AIRE: variants seen among roughly 807,000 people sequenced by gnomAD.
The protein encoded by AIRE is autoimmune regulator, also known as autoimmune polyendocrinopathy candidiasis ectodermal dystrophy protein.
In AIRE, 52 loss-of-function variants were observed where a neutral mutation model predicts 62.1. The observed-to-expected ratio is 0.84, with a 90% CI of 0.67 to 1.06. The LOEUF is 1.06. Among genes scored for constraint, AIRE ranks in the 50% least tolerant of loss-of-function variants. The probability of loss-of-function intolerance (pLI) is 0.00; values close to 1 mark genes in which losing one functional copy is unlikely to be tolerated. For synonymous variants in AIRE, 342 were observed against 321.6 expected (o/e 1.06, Z -0.68); for missense variants, 774 against 755.8 (o/e 1.02, Z -0.28).
chr21:44,292,412 G>GC lies in AIRE; in HGVS notation c.1095+16dup, dbSNP rs1238539669. 1.9e-6 allele frequency: 3 copies of GC among 1,540,648 alleles called. No homozygotes were observed. Among genetic ancestry groups the GC allele is most frequent in the Non-Finnish European group, 2.6e-6 (3 of 1,139,684 alleles). ...CCCGTGGAGACCCCGGTATGGCCAC[G>GC]CCCCCTCCTAGCCGGGCCACCCCTC... is the stretch of plus-strand genomic sequence containing the variant. On this transcript the variant is annotated intron_variant, in intron 9 of 13. Coordinates refer to ENST00000291582, the MANE Select transcript of AIRE (RefSeq NM_000383.4).
chr21:44,289,921 G>A, intron 6 of AIRE, 67 bp from the exon 7 acceptor site: 1 of 1,600,046 alleles, frequency 6.2e-7, no homozygotes, highest in Non-Finnish European at 8.5e-7. Flanking sequence ...GAGACGCCTG[G>A]TGCCACAGCC....
chr21:44,297,805 C>T lies in AIRE; in HGVS notation c.*78C>T. On this transcript the variant is annotated 3_prime_UTR_variant, in exon 14 of 14. Transcript: ENST00000291582. This position sits in a 1 kb window ranked among gnomAD's most constrained non-coding sequence, Gnocchi z 4.8. Reference sequence around the variant, plus strand: ...CTCCTTCCTCAGTCCTGGAAGCCGGCCGGCTGGGATCAAGAAGGGGACAGC... The same window carrying T: ...CTCCTTCCTCAGTCCTGGAAGCCGGTCGGCTGGGATCAAGAAGGGGACAGC... The T allele has an allele frequency of 2.8e-6, 4 of 1,419,126 alleles. No homozygotes were observed. The highest frequency in any genetic ancestry group is 3.9e-6 in the Non-Finnish European group (4 of 1,020,274). 87.9% of individuals were successfully genotyped at this position (1,419,126 alleles called of 1,614,324 possible).
intron 7 of AIRE, chr21:44,290,513 G>A: frequency 1.1e-6 from 1 of 909,898 alleles, no homozygotes. Flanking sequence ...GCTCTGTGGG[G>A]CCCTGGCACT....
At chr21:44,294,267 C>G in intron 11 of AIRE, 134 bp from the exon 12 acceptor site, 2 of 536,098 alleles carry the variant, frequency 3.7e-6, no homozygotes, top group South Asian at 2.0e-5. Flanking sequence ...TCTCCACCCA[C>G]ACCCACACCC....
Position 44,297,667 on chromosome 21 carries a change from T to C in AIRE, c.1578T>C (p.Asp526=), listed in dbSNP as rs1133779. 0.43 allele frequency: 698,738 copies of C among 1,611,030 alleles called. 155,311 individuals are homozygous for C. Among genetic ancestry groups the C allele is most frequent in the East Asian group, 0.66 (29,374 of 44,844 alleles). The change falls in exon 14 of 14, where the codon GAT becomes GAC. Residue 526 remains aspartate, a synonymous_variant. Coordinates refer to ENST00000291582, the MANE Select transcript of AIRE (RefSeq NM_000383.4). The surrounding 1 kb of genome is among the most constrained non-coding windows in gnomAD (Gnocchi z 4.8). Reference sequence around the variant, plus strand: ...ACTCTGTCCCGCAGCACACCTTCGATGGCATCCTGCAGTGGGCCATCCAGA... The same window carrying C: ...ACTCTGTCCCGCAGCACACCTTCGACGGCATCCTGCAGTGGGCCATCCAGA... ...LESLLSEHTF[D]GILQWAIQSM...
chr21:44,295,926 G>A (rs779002429), intron 12 of AIRE, among the ~76,000 whole-genome samples: 1 of 152,102 alleles, frequency 6.6e-6, no homozygotes, highest in Non-Finnish European at 1.5e-5. Context: ...ATTCCACAGG[G>A]TTCAATGTAA....
chr21:44,287,279 G>T lies in AIRE; in HGVS notation c.463+146G>T. On this transcript the variant is annotated intron_variant, in intron 3 of 13. Transcript: ENST00000291582. This position sits in a 1 kb window ranked among gnomAD's most constrained non-coding sequence, Gnocchi z 4.3. ...CTGTGGGGGTCTCCTCTGGGTACTAGACCCACACACTGGACCAGCCTCTCA... is the reference window on the plus strand; with the variant it reads ...CTGTGGGGGTCTCCTCTGGGTACTATACCCACACACTGGACCAGCCTCTCA... 1 of 983,002 alleles carries T rather than the reference G, an allele frequency of 1.0e-6. No homozygotes were observed. Among genetic ancestry groups the T allele is most frequent in the Non-Finnish European group, 1.5e-6 (1 of 664,298 alleles). The allele number at this position is 983,002 out of a possible 1,614,324, so 60.9% of individuals were successfully genotyped here.
chr21:44,298,576 TAA>T lies in AIRE; in HGVS notation c.*850_*851del, dbSNP rs2040641619. 6.6e-6 allele frequency: 1 copy of T among 152,308 alleles called. No individual in the cohort carries two copies. The highest frequency in any genetic ancestry group is 1.5e-5 in the Non-Finnish European group (1 of 68,112). The allele number at this position is 152,308 out of a possible 1,614,324, so 9.4% of individuals were successfully genotyped here. ...GCTTCCACCTTTTGGCTGTTGTGAG[TAA>T]TGCTGCTATGAATATGTGTGTGCAA... is the stretch of plus-strand genomic sequence containing the variant. On this transcript the variant is annotated 3_prime_UTR_variant, in exon 14 of 14. Coordinates refer to ENST00000291582, the MANE Select transcript of AIRE (RefSeq NM_000383.4).
intron 9 of AIRE, among the ~76,000 whole-genome samples, chr21:44,292,782 G>C (rs991111004): frequency 2.6e-5 from 4 of 152,068 alleles, no homozygotes; most frequent in Non-Finnish European, 5.9e-5. Flanking sequence ...TGTGTAGACG[G>C]GGGAGGAGGG....
intron 9 of AIRE, 94 bp downstream of exon 9, chr21:44,292,495 C>A: frequency 1.2e-6 from 1 of 862,696 alleles, no homozygotes; most frequent in Non-Finnish European, 1.9e-6. Context: ...TCCGTCTGTC[C>A]CCTGGAGTCC....
Position 44,294,365 on chromosome 21 carries a change from C to T in AIRE, c.1401-36C>T, listed in dbSNP as rs373812368. 2,247 of 1,455,482 alleles carry T rather than the reference C, an allele frequency of 1.5e-3. 28 individuals are homozygous for T. In the African/African-American group the frequency reaches 0.025, roughly 16 times the overall value. The allele number at this position is 1,455,482 out of a possible 1,614,324, so 90.2% of individuals were successfully genotyped here. A position where few individuals can be genotyped will look rare whatever the true frequency, so the allele number is the denominator to read the frequency against. ...ACCCCGGAGGTGGCACTCCTGCTCC[C>T]CCCCAGGGCTGGCAGCCCCTCATCC... is the stretch of plus-strand genomic sequence containing the variant. On this transcript the variant is annotated intron_variant, in intron 11 of 13. Transcript: ENST00000291582.
chr21:44,293,957 C>A, intron 11 of AIRE, 47 bp downstream of exon 11: 1 of 1,587,588 alleles, frequency 6.3e-7, no homozygotes, highest in East Asian at 2.3e-5. Flanking sequence ...CACCCACACC[C>A]TACACCCCAC....
At chr21:44,291,419 G>A (rs889987563) in intron 8 of AIRE, among the ~76,000 whole-genome samples, 8 of 152,174 alleles carry the variant, frequency 5.3e-5, no homozygotes, top group Admixed American at 3.9e-4. Flanking sequence ...GCCCAGCCTG[G>A]ACAGCTGGGC....
chr21:44,291,290 A>G, intron 8 of AIRE, 80 bp downstream of exon 8: 2 of 1,541,556 alleles, frequency 1.3e-6, no homozygotes, highest in Non-Finnish European at 1.7e-6. Flanking sequence ...AAGGGAAGCC[A>G]CCCCAAGCCT....
intron 10 of AIRE, 151 bp downstream of exon 10, chr21:44,293,326 C>T (rs1251082107): frequency 3.0e-4 from 77 of 259,776 alleles, no homozygotes; most frequent in African/African-American, 1.9e-3. Context: ...GCGTGGGGGG[C>T]TGCGGGGGGA....
chr21:44,291,184 G>C lies in AIRE; in HGVS notation c.969G>C (p.Leu323=). Residue 323 remains leucine, a synonymous_variant, in exon 8 of 14, where the codon CTG becomes CTC. Transcript: ENST00000291582. Reference sequence around the variant, plus strand: ...CTCGGGCCTTCCACCTGGCCTGCCTGTCCCCTCCGCTCCGGGAGATCCCCA... The same window carrying C: ...CTCGGGCCTTCCACCTGGCCTGCCTCTCCCCTCCGCTCCGGGAGATCCCCA... ...GCPRAFHLAC[L]SPPLREIPSG... The C allele has an allele frequency of 1.2e-6, 2 of 1,602,282 alleles. No individual in the cohort carries two copies. Among genetic ancestry groups the C allele is most frequent in the Non-Finnish European group, 1.7e-6 (2 of 1,176,646 alleles).
rs1432714738 is a variant in AIRE at position 44,296,433 on chromosome 21, C to G, written c.1554C>G (p.Ser518=). The G allele has an allele frequency of 6.2e-7, 1 of 1,612,512 alleles. No homozygotes were observed. Among genetic ancestry groups the G allele is most frequent in the Non-Finnish European group, 8.5e-7 (1 of 1,179,770 alleles). The change falls in exon 13 of 14, where the codon TCC becomes TCG. Residue 518 remains serine (S), a synonymous_variant. Transcript: ENST00000291582. ...CTCTGCACAGGGATGACCTGGAGTC[C>G]CTTCTGAGCGAGGTAACGCCTCCCC... ...EPALHRDDLE[S]LLSEHTFDGI... is the part of the protein sequence containing the mutation.
intron 11 of AIRE, among the ~76,000 whole-genome samples, chr21:44,294,140 G>C (rs1293762808): frequency 2.1e-5 from 2 of 96,872 alleles, no homozygotes; most frequent in African/African-American, 4.3e-5. Context: ...CTCATACCCT[G>C]CACCTCACCA....
At position 44,293,190 on chromosome 21, in the gene AIRE, G is replaced by T; in HGVS notation, c.1278+15G>T. On this transcript the variant is annotated intron_variant, in intron 10 of 13. Transcript: ENST00000291582. ...AGGGTCAGCAGGTGAGCGGGGAGTG[G>T]GGGTCAGGGTGGGCTCTTCAAGGAG... The T allele has an allele frequency of 6.5e-7, 1 of 1,542,208 alleles. No individual in the cohort carries two copies.
Sources: gnomAD v4.1 joint callset for allele counts (sites outside exome capture counted in the v4.1 genomes callset) on GRCh38, gnomAD v4.1.1 for gene constraint, Gnocchi (gnomAD v3.1) non-coding constraint, MANE v1.5 for transcripts, NCBI Gene and HGNC (gene_info 2026-07-23, HGNC 2026-07-21) for gene names.